Variants in ATP8B1 observed in about 807,000 individuals in gnomAD.
The protein encoded by ATP8B1 is ATPase phospholipid transporting 8B1, also known as phospholipid-transporting ATPase IC.
ATP8B1 carries 80 observed loss-of-function variants against 149.9 expected under a neutral mutation model. That is an observed-to-expected ratio of 0.53 (90% confidence interval 0.45 to 0.64). ATP8B1 has a LOEUF of 0.64. ATP8B1 is among the 30% of genes least tolerant of loss of function. ATP8B1 has a pLI of 0.00. For synonymous variants in ATP8B1, 536 were observed against 562.8 expected, an observed-to-expected ratio of 0.95 and a Z score of 0.67; for missense variants, 1,247 against 1,552.6, an observed-to-expected ratio of 0.80 and a Z score of 3.31.
intron 1 of ATP8B1, among the ~76,000 whole-genome samples, chr18:57,773,424 C>T (rs1568065427): frequency 1.3e-5 from 2 of 152,168 alleles, no homozygotes; most frequent in African/African-American, 4.8e-5. Flanking sequence ...TCACTTCATC[C>T]GGGCAGGGGG....
intron 2 of ATP8B1, among the ~76,000 whole-genome samples, chr18:57,710,307 A>T (rs1913627063): frequency 6.6e-6 from 1 of 152,228 alleles, no homozygotes; most frequent in Non-Finnish European, 1.5e-5. Flanking sequence ...AACAGCTGCC[A>T]TGTGACATGT....
Position 57,650,405 on chromosome 18 carries a change from A to G in ATP8B1, c.3493T>C (p.Phe1165Leu). 1 of 1,613,926 alleles carries G rather than the reference A, an allele frequency of 6.2e-7. No individual in the cohort carries two copies. The highest frequency in any genetic ancestry group is 1.1e-5 in the South Asian group (1 of 91,082). The change falls in exon 27 of 28, where the codon TTC becomes CTC. Residue 1165 changes from phenylalanine to leucine, a missense_variant. Physicochemically the swap from Phe to Leu is conservative, Grantham distance 22. Around this residue, in one of 3 missense-constraint regions of ATP8B1, gnomAD observed 164 missense variants for 160.3 expected, o/e 1.02. Coordinates refer to ENST00000648908, the MANE Select transcript of ATP8B1 (RefSeq NM_001374385.1). ...VCLLPVVAIRFLSMTIWPSES... is the reference protein window; with the variant it reads ...VCLLPVVAIRLLSMTIWPSES... Reference sequence around the variant, plus strand: ...GATGGCCAGATGGTCATTGACAGGAATCGAATGGCAACGACGGGTAGTAAG... The same window carrying G: ...GATGGCCAGATGGTCATTGACAGGAGTCGAATGGCAACGACGGGTAGTAAG...
At chr18:57,732,901 C>T (rs1178628139) in intron 1 of ATP8B1, among the ~76,000 whole-genome samples, 1 of 152,168 alleles carries the variant, frequency 6.6e-6, no homozygotes, top group African/African-American at 2.4e-5. Context: ...TGACAAACCA[C>T]TGCTCTAAGA....
chr18:57,690,264 G>GCCAGA (rs1268032638), intron 12 of ATP8B1, among the ~76,000 whole-genome samples: 2 of 152,194 alleles, frequency 1.3e-5, no homozygotes, highest in African/African-American at 4.8e-5. Context: ...ATATCAAGGG[G>GCCAGA]CCAGAGTGGC....
intron 1 of ATP8B1, among the ~76,000 whole-genome samples, chr18:57,732,526 C>T (rs913062477): frequency 1.3e-5 from 2 of 151,576 alleles, no homozygotes; most frequent in Non-Finnish European, 2.9e-5. Flanking sequence ...CACATTCACA[C>T]ATTTATTTGC....
chr18:57,682,783 A>G (rs1438377491), intron 15 of ATP8B1, among the ~76,000 whole-genome samples: 3 of 152,062 alleles, frequency 2.0e-5, no homozygotes, highest in Non-Finnish European at 4.4e-5. Flanking sequence ...TCCTTGGAAA[A>G]TGGGTTTCTT....
At position 57,696,270 on chromosome 18, in the gene ATP8B1, A is replaced by ACAGT. The variant is rs112970211; in HGVS notation, c.699-742_699-739dup. On this transcript the variant is annotated intron_variant, in intron 8 of 27. Transcript: ENST00000648908. ...ATAGCAGTTTTATAGTTGAGAATAA[A>ACAGT]CAGTCGGGCGCCGCGGCTCACGCAT... 9.7e-3 allele frequency among the ~76,000 whole-genome samples: 1,476 copies of ACAGT among 152,334 alleles called. 31 individuals are homozygous for ACAGT. The highest frequency in any genetic ancestry group is 0.034 in the African/African-American group (1,412 of 41,584).
At chr18:57,704,167 C>T (rs1238146482) in intron 4 of ATP8B1, among the ~76,000 whole-genome samples, 4 of 152,060 alleles carry the variant, frequency 2.6e-5, no homozygotes, top group African/African-American at 9.7e-5. Context: ...GGGGTTTAAC[C>T]ATGTTAGCCA....
At chr18:57,671,385 A>C (rs1911209448) in intron 17 of ATP8B1, 83 bp downstream of exon 17, 23 of 1,219,252 alleles carry the variant, frequency 1.9e-5, no homozygotes, top group Non-Finnish European at 2.7e-5. Context: ...AGCAGTTAAC[A>C]TACAGCTTTC....
At chr18:57,688,555 G>A in intron 12 of ATP8B1, 48 bp from the exon 13 acceptor site, 3 of 1,568,788 alleles carry the variant, frequency 1.9e-6, no homozygotes, top group Non-Finnish European at 2.6e-6. Flanking sequence ...GATACGAGTG[G>A]CAAGTAGTAG....
At chr18:57,767,327 C>T (rs140749699) in intron 1 of ATP8B1, among the ~76,000 whole-genome samples, 93 of 152,284 alleles carry the variant, frequency 6.1e-4, no homozygotes, top group African/African-American at 2.1e-3. Flanking sequence ...CCTCAGAAAG[C>T]CTTCTGCTGC....
chr18:57,668,053 T>C (rs763624821), intron 19 of ATP8B1: 114 of 1,257,786 alleles, frequency 9.1e-5, no homozygotes, highest in Non-Finnish European at 1.1e-4. Flanking sequence ...AAAACCAAAG[T>C]TATTGTTCAG....
At chr18:57,704,486 T>C (rs1403363588) in intron 4 of ATP8B1, 69 bp downstream of exon 4, 1 of 1,053,180 alleles carries the variant, frequency 9.5e-7, no homozygotes, top group East Asian at 2.5e-5. Context: ...TCACATTATA[T>C]GTGTCTACAG....
intron 2 of ATP8B1, among the ~76,000 whole-genome samples, chr18:57,713,044 C>T (rs145073733): frequency 1.3e-5 from 2 of 152,098 alleles, no homozygotes; most frequent in East Asian, 3.9e-4. Flanking sequence ...GATATTCTGG[C>T]TTTAGTTGTG....
intron 15 of ATP8B1, among the ~76,000 whole-genome samples, chr18:57,678,750 CA>C (rs1174259072): frequency 3.9e-5 from 2 of 50,854 alleles, no homozygotes; most frequent in African/African-American, 5.5e-5. Flanking sequence ...ACTAAAAATA[CA>C]AAAAAAATTA....
At chr18:57,793,020 A>G (rs2080479012) in intron 1 of ATP8B1, among the ~76,000 whole-genome samples, 1 of 152,200 alleles carries the variant, frequency 6.6e-6, no homozygotes, top group Non-Finnish European at 1.5e-5. Context: ...CAAACTAGGA[A>G]GACAGGCTGA....
chr18:57,661,598 A>G (rs1219452220), intron 21 of ATP8B1, 136 bp from the exon 22 acceptor site: 5 of 883,518 alleles, frequency 5.7e-6, no homozygotes, highest in Non-Finnish European at 6.7e-6. Flanking sequence ...ATTTGATTTT[A>G]TAACCAAAAC....
At chr18:57,741,002 T>C (rs2079909218) in intron 1 of ATP8B1, 1 of 152,290 alleles carries the variant, frequency 6.6e-6, no homozygotes, top group Non-Finnish European at 1.5e-5. Context: ...AGTGGCGCGA[T>C]CTTGGCTCAC....
rs181577549 is a variant in ATP8B1 at position 57,787,869 on chromosome 18, A to G, written c.-26+15129T>C. On this transcript the variant is annotated intron_variant, in intron 1 of 27. Coordinates refer to ENST00000648908, the MANE Select transcript of ATP8B1 (RefSeq NM_001374385.1). ...CATCTTCTAAAGGGACCTATATAGT[A>G]TCCATTGTGTAGACATGACAGTACT... Among the ~76,000 whole-genome samples the G allele has an allele frequency of 1.2e-3, 177 of 152,322 alleles. 1 individual carries two copies. Among genetic ancestry groups the G allele is most frequent in the Non-Finnish European group, 4.1e-4 (28 of 68,032 alleles).
Sources: allele counts gnomAD v4.1 joint callset (sites outside exome capture counted in the v4.1 genomes callset), GRCh38; gene constraint gnomAD v4.1.1; regional missense constraint gnomAD v4.1.1; transcripts MANE v1.5; gene names NCBI Gene and HGNC (gene_info 2026-07-23, HGNC 2026-07-21).